The following RCAN2 variants were observed in gnomAD, a reference collection of about 807,000 sequenced individuals.
The protein encoded by RCAN2 is regulator of calcineurin 2.
A neutral mutation model predicts 23.6 loss-of-function variants in RCAN2; 9 were observed. That is an observed-to-expected ratio of 0.38 (90% CI 0.23 to 0.67). The LOEUF is 0.67. RCAN2 is among the 30% of genes least tolerant of loss of function. RCAN2 has a pLI of 0.51. For synonymous variants in RCAN2, 109 were observed against 115.7 expected (o/e 0.94, Z 0.37); for missense variants, 273 against 302.3 (o/e 0.90, Z 0.72).
intron 2 of RCAN2, chr6:46,438,369 A>G (rs1767431969): frequency 6.6e-6 from 1 of 152,474 alleles, no homozygotes; most frequent in African/African-American, 2.4e-5. Flanking sequence ...GACCAAGAGC[A>G]TAAGCCAAGG....
At chr6:46,236,268 A>C (rs1766090812) in intron 4 of RCAN2, among the ~76,000 whole-genome samples, 1 of 152,172 alleles carries the variant, frequency 6.6e-6, no homozygotes, top group South Asian at 2.1e-4. Context: ...GGTATCATAT[A>C]ATCTGGTCTT....
chr6:46,438,664 C>T (rs1255672483), intron 2 of RCAN2: 1 of 152,186 alleles, frequency 6.6e-6, no homozygotes, highest in Non-Finnish European at 1.5e-5. Context: ...AAAAAATATT[C>T]CAGAGCCTTC....
At chr6:46,257,032 T>C (rs1396796237) in intron 2 of RCAN2, among the ~76,000 whole-genome samples, 3 of 152,210 alleles carry the variant, frequency 2.0e-5, no homozygotes, top group African/African-American at 4.8e-5. Context: ...ATTAAAAAGA[T>C]ATTGTTATGC....
At chr6:46,455,579 G>A (rs574296670) in intron 2 of RCAN2, among the ~76,000 whole-genome samples, 80 of 151,742 alleles carry the variant, frequency 5.3e-4, no homozygotes, top group African/African-American at 1.6e-3. Context: ...AGCCTCAGCC[G>A]GGCGCAGTGG....
At chr6:46,405,749 C>T (rs1264390953) in intron 2 of RCAN2, among the ~76,000 whole-genome samples, 1 of 152,226 alleles carries the variant, frequency 6.6e-6, no homozygotes, top group African/African-American at 2.4e-5. Context: ...GCCTGCCAGT[C>T]CCGCACCGTG....
chr6:46,246,169 T>A (rs962314571), intron 4 of RCAN2, among the ~76,000 whole-genome samples: 1 of 152,212 alleles, frequency 6.6e-6, no homozygotes, highest in Non-Finnish European at 1.5e-5. Context: ...AGATTCATAT[T>A]TTAGAATGCT....
At chr6:46,444,778 T>C (rs1767650996) in intron 2 of RCAN2, among the ~76,000 whole-genome samples, 1 of 152,142 alleles carries the variant, frequency 6.6e-6, no homozygotes, top group African/African-American at 2.4e-5. Context: ...CTCACTGCTA[T>C]GCTTCTTCAC....
At chr6:46,268,718 C>A (rs1477569903) in intron 2 of RCAN2, among the ~76,000 whole-genome samples, 1 of 152,160 alleles carries the variant, frequency 6.6e-6, no homozygotes, top group Non-Finnish European at 1.5e-5. Flanking sequence ...TGTTTTTTAG[C>A]CAACTGTGTT....
At chr6:46,360,612 A>G (rs1020770200) in intron 2 of RCAN2, among the ~76,000 whole-genome samples, 1 of 151,200 alleles carries the variant, frequency 6.6e-6, no homozygotes. Flanking sequence ...CTGAGAAACT[A>G]TTTTGAAGAA....
rs1351978907 is a variant in RCAN2 at position 46,248,785 on chromosome 6, C to T, written c.337G>A (p.Ala113Thr). ...NFSNPKSAAR[A>T]RIELHETQFR... is the part of the protein sequence containing the mutation. ...TGGGTTTCATGAAGCTCTATCCTAG[C>T]TCGGGCTGCAGATTTAGGATTGCTG... Residue 113 changes from alanine to threonine, a missense_variant, in exon 3 of 5, where the codon GCT (alanine) becomes ACT (threonine). Physicochemically the swap from Ala to Thr is moderately conservative, Grantham distance 58 (BLOSUM62 0). Transcript: ENST00000371374. 1 of 1,613,308 alleles carries T rather than the reference C, an allele frequency of 6.2e-7. No homozygotes were observed. The highest frequency in any genetic ancestry group is 1.3e-5 in the African/African-American group (1 of 74,776).
At chr6:46,415,872 C>A (rs896255983) in intron 2 of RCAN2, among the ~76,000 whole-genome samples, 1 of 152,140 alleles carries the variant, frequency 6.6e-6, no homozygotes, top group Non-Finnish European at 1.5e-5. Context: ...ATACTAAAAT[C>A]CATGGATACT....
chr6:46,252,327 T>G (rs1490331664), intron 2 of RCAN2, among the ~76,000 whole-genome samples: 2 of 152,208 alleles, frequency 1.3e-5, no homozygotes. Flanking sequence ...AATAATATTT[T>G]GTTGTCCTCT....
At chr6:46,292,110 G>A (rs1412893635) in intron 2 of RCAN2, among the ~76,000 whole-genome samples, 1 of 152,168 alleles carries the variant, frequency 6.6e-6, no homozygotes, top group Non-Finnish European at 1.5e-5. Context: ...TAATTAGTCA[G>A]TGGGGCAACT....
intron 2 of RCAN2, among the ~76,000 whole-genome samples, chr6:46,351,276 C>A (rs1265922221): frequency 6.6e-6 from 1 of 152,196 alleles, no homozygotes; most frequent in African/African-American, 2.4e-5. Context: ...TGACACTTCA[C>A]AACCAAGGCT....
At chr6:46,426,147 C>T (rs928151049) in intron 2 of RCAN2, among the ~76,000 whole-genome samples, 1 of 152,080 alleles carries the variant, frequency 6.6e-6, no homozygotes, top group Non-Finnish European at 1.5e-5. Context: ...GATCCACCCC[C>T]CTCAGCTTCC....
intron 2 of RCAN2, among the ~76,000 whole-genome samples, chr6:46,440,040 G>T (rs926790720): frequency 2.6e-5 from 4 of 152,164 alleles, no homozygotes; most frequent in Admixed American, 2.0e-4. Flanking sequence ...TTGAGGGAAA[G>T]AATAAAACTC....
intron 2 of RCAN2, among the ~76,000 whole-genome samples, chr6:46,370,791 T>C (rs1401902240): frequency 2.0e-5 from 3 of 152,218 alleles, no homozygotes; most frequent in African/African-American, 4.8e-5. Context: ...CTAATAGATG[T>C]CCTGACCTTT....
At chr6:46,283,431 C>T (rs1452970166) in intron 2 of RCAN2, among the ~76,000 whole-genome samples, 1 of 152,066 alleles carries the variant, frequency 6.6e-6, no homozygotes, top group Non-Finnish European at 1.5e-5. Flanking sequence ...CAGCAAAGAC[C>T]CTGTCTCTCT....
At chr6:46,371,822 G>C (rs1200496455) in intron 2 of RCAN2, among the ~76,000 whole-genome samples, 2 of 152,160 alleles carry the variant, frequency 1.3e-5, no homozygotes, top group African/African-American at 4.8e-5. Flanking sequence ...ATCGAAGGGT[G>C]GGCAACCAAC....
Sources: allele counts gnomAD v4.1 joint callset (sites outside exome capture counted in the v4.1 genomes callset), GRCh38; gene constraint gnomAD v4.1.1; transcripts MANE v1.5; gene names NCBI Gene and HGNC (gene_info 2026-07-23, HGNC 2026-07-21).